The following RB1 variants were observed in gnomAD, a reference collection of about 807,000 sequenced individuals.
RB1 encodes retinoblastoma-associated protein.
In RB1, 18 loss-of-function variants were observed where a neutral mutation model predicts 135.4. That is an observed-to-expected ratio of 0.13 (90% CI 0.09 to 0.20). RB1 has a LOEUF of 0.20. Ranked by LOEUF, RB1 falls within the 10% of genes least tolerant of loss-of-function variation. The probability of loss-of-function intolerance (pLI) is 1.00; values close to 1 mark genes in which losing one functional copy is unlikely to be tolerated. For synonymous variants in RB1, 365 were observed against 373.2 expected (o/e 0.98, Z 0.25); for missense variants, 868 against 1,110.0 (o/e 0.78, Z 3.10).
In RB1 at chr13:48,319,856, A is replaced by C. The variant is rs1368793430; in HGVS notation, c.264+12450A>C. 3.0e-6 allele frequency: 1 copy of C among 330,772 alleles called. No homozygotes were observed. The highest frequency in any genetic ancestry group is 5.9e-6 in the Non-Finnish European group (1 of 168,228). The allele number at this position is 330,772 out of a possible 1,614,324, so 20.5% of individuals were successfully genotyped here. A position where few individuals can be genotyped will look rare whatever the true frequency, so the allele number is the denominator to read the frequency against. ...TCGTTGCTGCTCGCTCTGACCGGGA[A>C]GGCAGAACCCTAGTCCTCACTGGAT... On this transcript the variant is annotated intron_variant, in intron 2 of 26. Coordinates refer to ENST00000267163, the MANE Select transcript of RB1 (RefSeq NM_000321.3). This position sits in a 1 kb window ranked among gnomAD's most constrained non-coding sequence, Gnocchi z 5.0.
intron 17 of RB1, among the ~76,000 whole-genome samples, chr13:48,416,967 G>T (rs112543862): frequency 3.4e-4 from 52 of 152,194 alleles, no homozygotes; most frequent in Non-Finnish European, 5.7e-4. Context: ...AGCACCTGGG[G>T]GAAGGGTGCT....
rs556425397 is a variant in RB1, at chr13:48,393,149, C to T, written c.1695+11706C>T. On this transcript the variant is annotated intron_variant, in intron 17 of 26. Transcript: ENST00000267163. ...AGCTCCTGGAAGGATTCTACTCCTT[C>T]CCATGGTTCTTCCCTGGTTTTGAGT... Among the ~76,000 whole-genome samples, 20 of 152,290 alleles carry T rather than the reference C, an allele frequency of 1.3e-4. No homozygotes were observed. In the South Asian group the frequency reaches 3.9e-3, roughly 30 times the overall value.
At chr13:48,393,353 G>A (rs1279578187) in intron 17 of RB1, among the ~76,000 whole-genome samples, 2 of 152,140 alleles carry the variant, frequency 1.3e-5, no homozygotes, top group African/African-American at 4.8e-5. Flanking sequence ...GGGGACCACT[G>A]GGCTGCATTC....
At chr13:48,445,945 C>A (rs1949284351) in intron 17 of RB1, among the ~76,000 whole-genome samples, 1 of 151,958 alleles carries the variant, frequency 6.6e-6, no homozygotes, top group Admixed American at 6.6e-5. Context: ...GTATATATAA[C>A]TAAGAAGGTT....
At chr13:48,309,388 C>G (rs767886627) in intron 2 of RB1, among the ~76,000 whole-genome samples, 2 of 152,124 alleles carry the variant, frequency 1.3e-5, no homozygotes, top group African/African-American at 2.4e-5. Context: ...AATAAAATCT[C>G]TGGCAGTAAA....
intron 16 of RB1, 76 bp downstream of exon 16, chr13:48,380,317 A>T (rs1948524311): frequency 2.7e-6 from 3 of 1,093,590 alleles, no homozygotes; most frequent in Admixed American, 2.0e-5. Flanking sequence ...TGGTCGGGGG[A>T]GAGGGATAGT....
At chr13:48,309,813 T>C (rs537129022) in intron 2 of RB1, among the ~76,000 whole-genome samples, 2 of 152,264 alleles carry the variant, frequency 1.3e-5, no homozygotes, top group African/African-American at 2.4e-5. Context: ...ACTATAACAA[T>C]AATAGTTTTA....
At chr13:48,454,779 A>G (rs1030158145) in intron 18 of RB1, among the ~76,000 whole-genome samples, 1 of 152,230 alleles carries the variant, frequency 6.6e-6, no homozygotes, top group Non-Finnish European at 1.5e-5. Flanking sequence ...AACCTGCATG[A>G]TGTGCATTCC....
At chr13:48,311,629 A>G (rs1351798751) in intron 2 of RB1, among the ~76,000 whole-genome samples, 2 of 152,220 alleles carry the variant, frequency 1.3e-5, no homozygotes, top group Non-Finnish European at 2.9e-5. Flanking sequence ...TGTTTTACTA[A>G]TTATTGAGGG....
chr13:48,321,097 T>G (rs1275428297), intron 2 of RB1, among the ~76,000 whole-genome samples: 5 of 152,008 alleles, frequency 3.3e-5, no homozygotes, highest in Admixed American at 3.3e-4. Flanking sequence ...TTAAATAGAC[T>G]TTTGACTCGG....
intron 11 of RB1, among the ~76,000 whole-genome samples, chr13:48,371,213 A>G (rs969571046): frequency 6.6e-6 from 1 of 152,220 alleles, no homozygotes; most frequent in African/African-American, 2.4e-5. Context: ...AGCAGGGGTA[A>G]GGATAAAATC....
intron 17 of RB1, among the ~76,000 whole-genome samples, chr13:48,409,642 G>A (rs567068976): frequency 3.7e-5 from 5 of 135,272 alleles, no homozygotes; most frequent in African/African-American, 1.1e-4. Flanking sequence ...GTGCAGTGGC[G>A]AGATCTTGGC....
chr13:48,355,596 A>G (rs1171260011), intron 6 of RB1, among the ~76,000 whole-genome samples: 1 of 152,088 alleles, frequency 6.6e-6, no homozygotes, highest in Non-Finnish European at 1.5e-5. Flanking sequence ...GGAAGTCAGT[A>G]TATCAAAGAG....
intron 17 of RB1, among the ~76,000 whole-genome samples, chr13:48,396,047 A>G (rs1256616993): frequency 6.6e-6 from 1 of 152,226 alleles, no homozygotes; most frequent in African/African-American, 2.4e-5. Context: ...GGGAAAAATT[A>G]TAGCGTGAAA....
intron 2 of RB1, among the ~76,000 whole-genome samples, chr13:48,309,546 G>T (rs889192034): frequency 6.6e-6 from 1 of 152,086 alleles, no homozygotes; most frequent in Non-Finnish European, 1.5e-5. Context: ...ACTGACTTGG[G>T]TACCTCATGT....
In RB1 at chr13:48,319,068, G is replaced by A. The variant is rs1952211940; in HGVS notation, c.264+11662G>A. 1 of 619,794 alleles carries A rather than the reference G, an allele frequency of 1.6e-6. No homozygotes were observed. Among genetic ancestry groups the A allele is most frequent in the Non-Finnish European group, 3.0e-6 (1 of 333,894 alleles). 38.4% of individuals were successfully genotyped at this position (619,794 alleles called of 1,614,324 possible). A position where few individuals can be genotyped will look rare whatever the true frequency, so the allele number is the denominator to read the frequency against. Reference sequence around the variant, plus strand: ...GTCAGTTCAGCGGACGTGTCTGCCTGGCACGAGGACCGTTCTACAAACTCG... The same window carrying A: ...GTCAGTTCAGCGGACGTGTCTGCCTAGCACGAGGACCGTTCTACAAACTCG... On this transcript the variant is annotated intron_variant, in intron 2 of 26. Coordinates refer to ENST00000267163, the MANE Select transcript of RB1 (RefSeq NM_000321.3). This position sits in a 1 kb window ranked among gnomAD's most constrained non-coding sequence, Gnocchi z 5.0.
chr13:48,320,210 G>A, intron 2 of RB1: 1 of 994,410 alleles, frequency 1.0e-6, no homozygotes, highest in Non-Finnish European at 1.5e-6. Context: ...AATGCGGGCT[G>A]CTCCTTGTGC....
intron 17 of RB1, among the ~76,000 whole-genome samples, chr13:48,403,571 A>G (rs981287642): frequency 6.6e-6 from 1 of 152,190 alleles, no homozygotes; most frequent in African/African-American, 2.4e-5. Context: ...AGTAGCAGAT[A>G]CAGAGAGTGG....
chr13:48,476,763 A>G lies in RB1; in HGVS notation c.2583A>G (p.Arg861=), dbSNP rs377205343. The G allele has an allele frequency of 1.9e-6, 3 of 1,613,676 alleles. No homozygotes were observed. The highest frequency in any genetic ancestry group is 2.5e-6 in the Non-Finnish European group (3 of 1,179,654). The change falls in exon 25 of 27, where the codon AGA becomes AGG. Residue 861 remains arginine, a synonymous_variant. Coordinates refer to ENST00000267163, the MANE Select transcript of RB1 (RefSeq NM_000321.3). ...GTAACAGCGACCGTGTGCTCAAAAGAAGTGCTGAAGGAAGCAACCCTCCTA... is the reference window on the plus strand; with the variant it reads ...GTAACAGCGACCGTGTGCTCAAAAGGAGTGCTGAAGGAAGCAACCCTCCTA... ...MVCNSDRVLK[R]SAEGSNPPKP...
Sources: gnomAD v4.1 joint callset for allele counts (sites outside exome capture counted in the v4.1 genomes callset) on GRCh38, gnomAD v4.1.1 for gene constraint, Gnocchi (gnomAD v3.1) non-coding constraint, MANE v1.5 for transcripts, NCBI Gene and HGNC (gene_info 2026-07-23, HGNC 2026-07-21) for gene names.